Variants in DAB1 observed in about 807,000 individuals in gnomAD.
DAB1 encodes disabled homolog 1.
Under a neutral mutation model 64.6 loss-of-function variants are expected in DAB1, and 15 were observed. That is an observed-to-expected ratio of 0.23 (90% CI 0.16 to 0.36). The LOEUF (loss-of-function observed/expected upper bound fraction) is 0.36, where lower values mean the gene tolerates loss of function less well. Among genes scored for constraint, DAB1 ranks in the 10% least tolerant of loss-of-function variants. DAB1 has a pLI of 1.00. For missense variants in DAB1, 596 were observed against 706.7 expected, an observed-to-expected ratio of 0.84 and a Z score of 1.78; for synonymous variants, 235 against 251.9, an observed-to-expected ratio of 0.93 and a Z score of 0.64.
At chr1:58,208,273 T>C (rs1173675746) in intron 4 of DAB1, among the ~76,000 whole-genome samples, 2 of 152,180 alleles carry the variant, frequency 1.3e-5, no homozygotes, top group African/African-American at 4.8e-5. Context: ...AGTTAAAACT[T>C]CTTTTCTTTT....
chr1:58,341,676 A>G (rs528880242), intron 4 of DAB1, among the ~76,000 whole-genome samples: 5 of 152,266 alleles, frequency 3.3e-5, no homozygotes, highest in Middle Eastern at 3.4e-3. Flanking sequence ...CCACTCCTCA[A>G]CTATGATTTT....
At chr1:57,098,480 T>A (rs1228360141) in intron 4 of DAB1, among the ~76,000 whole-genome samples, 22 of 152,186 alleles carry the variant, frequency 1.4e-4, no homozygotes, top group Admixed American at 1.4e-3. Context: ...GAGTCTTGTG[T>A]GTCTGGAGGG....
rs1028028906 is a variant in DAB1 at position 57,208,109 on chromosome 1, G to A, written c.68-62680C>T. ...GAGTGAGGAAACGATATAAGAAAGA[G>A]AAAGTAGACCATAAAAGGTGCATCA... On this transcript the variant is annotated intron_variant, in intron 2 of 14. Coordinates refer to ENST00000371236, the MANE Select transcript of DAB1 (RefSeq NM_001365792.1). 2.0e-5 allele frequency among the ~76,000 whole-genome samples: 3 copies of A among 152,298 alleles called. No homozygotes were observed. In the East Asian group the frequency reaches 5.8e-4, roughly 29 times the overall value.
intron 4 of DAB1, among the ~76,000 whole-genome samples, chr1:58,323,482 A>G (rs2100487556): frequency 6.6e-6 from 1 of 152,214 alleles, no homozygotes; most frequent in African/African-American, 2.4e-5. Context: ...AAATTAACTT[A>G]GACATCCACG....
chr1:58,481,175 C>A, intron 3 of DAB1: 2 of 810,512 alleles, frequency 2.5e-6, no homozygotes, highest in Non-Finnish European at 4.2e-6. Context: ...TTTTGAGAGC[C>A]TATAAAGAAA....
At chr1:58,426,495 G>C (rs1315905488) in intron 3 of DAB1, among the ~76,000 whole-genome samples, 3 of 152,206 alleles carry the variant, frequency 2.0e-5, no homozygotes, top group Non-Finnish European at 4.4e-5. Context: ...ACAAATTCCA[G>C]GATCTGCAGT....
intron 4 of DAB1, among the ~76,000 whole-genome samples, chr1:58,278,180 G>T (rs1661497420): frequency 6.6e-6 from 1 of 152,186 alleles, no homozygotes; most frequent in Non-Finnish European, 1.5e-5. Flanking sequence ...TTTCCCCCAT[G>T]CTGTTCTCAT....
At chr1:57,376,741 GAGAC>G (rs1314496311) in intron 1 of DAB1, among the ~76,000 whole-genome samples, 6 of 152,198 alleles carry the variant, frequency 3.9e-5, no homozygotes, top group Non-Finnish European at 8.8e-5. Flanking sequence ...GATGGATAAA[GAGAC>G]AGAAAACTGT....
At chr1:58,147,693 T>C (rs541789810) in intron 5 of DAB1, among the ~76,000 whole-genome samples, 1 of 152,088 alleles carries the variant, frequency 6.6e-6, no homozygotes, top group East Asian at 1.9e-4. Flanking sequence ...ACCATATGGC[T>C]CAGCAGTCCC....
rs545748952 is a variant in DAB1, at chr1:57,935,750, A to C, written n.388-51588T>G. ...CAAACAACAACAACAACAACAACAAAAAACGAGTGCATAAAAAGCTGCCCT... is the reference window on the plus strand; with the variant it reads ...CAAACAACAACAACAACAACAACAACAAACGAGTGCATAAAAAGCTGCCCT... On this transcript the variant is annotated intron_variant and non_coding_transcript_variant, in intron 5 of 20. Coordinates refer to the DAB1 transcript ENST00000485760. Among the ~76,000 whole-genome samples the C allele has an allele frequency of 1.4e-3, 213 of 150,688 alleles. 8 individuals carry two copies. The South Asian group carries it at 0.042, about 30-fold the overall frequency.
At chr1:58,393,607 T>G (rs540753186) in intron 3 of DAB1, among the ~76,000 whole-genome samples, 3 of 152,274 alleles carry the variant, frequency 2.0e-5, no homozygotes, top group East Asian at 3.9e-4. Context: ...ATATTCATCA[T>G]GAAGAACTTA....
Position 57,025,602 on chromosome 1 carries a change from A to G in DAB1, c.786+379T>C, listed in dbSNP as rs551212500. ...CAGGTGCTGACAAATGCCTCATCAT[A>G]TGTGCTATCCCGAGTTTCCTGCCTA... is the stretch of plus-strand genomic sequence containing the variant. On this transcript the variant is annotated intron_variant, in intron 10 of 14. Coordinates refer to ENST00000371236, the MANE Select transcript of DAB1 (RefSeq NM_001365792.1). Among the ~76,000 whole-genome samples, 14 of 152,204 alleles carry G rather than the reference A, an allele frequency of 9.2e-5. No individual in the cohort carries two copies. The South Asian group carries it at 2.9e-3, about 32-fold the overall frequency.
At chr1:57,121,493 A>C (rs1414649375) in intron 4 of DAB1, among the ~76,000 whole-genome samples, 2 of 152,098 alleles carry the variant, frequency 1.3e-5, no homozygotes, top group African/African-American at 4.8e-5. Flanking sequence ...AATTGTCCCA[A>C]CTGGAAATGC....
rs369998030 is a variant in DAB1, at chr1:57,921,113, TG to T, written n.388-36952del. Among the ~76,000 whole-genome samples, 587 of 152,342 alleles carry T rather than the reference TG, an allele frequency of 3.9e-3. 4 individuals carry two copies. Among genetic ancestry groups the T allele is most frequent in the African/African-American group, 0.013 (546 of 41,578 alleles). Reference sequence around the variant, plus strand: ...GATAAAATGGAATATATTGTTACATTGTTAGGAAAATGAAGTATTTCTATAT... The same window carrying T: ...GATAAAATGGAATATATTGTTACATTTTAGGAAAATGAAGTATTTCTATAT... On this transcript the variant is annotated intron_variant and non_coding_transcript_variant, in intron 5 of 20. Coordinates refer to the DAB1 transcript ENST00000485760.
chr1:58,167,588 T>TTCCA (rs1472578735), intron 4 of DAB1, among the ~76,000 whole-genome samples: 8 of 152,216 alleles, frequency 5.3e-5, no homozygotes, highest in Non-Finnish European at 1.0e-4. Flanking sequence ...TTGGGTCCCC[T>TTCCA]TCCACGCTAT....
intron 7 of DAB1, among the ~76,000 whole-genome samples, chr1:57,446,259 T>A (rs1020466079): frequency 6.6e-6 from 1 of 152,198 alleles, no homozygotes; most frequent in Non-Finnish European, 1.5e-5. Flanking sequence ...ATAAACTGTA[T>A]GATGATTGCT....
chr1:57,526,849 G>A (rs1318033838), intron 7 of DAB1, among the ~76,000 whole-genome samples: 6 of 152,080 alleles, frequency 3.9e-5, no homozygotes, highest in Admixed American at 3.9e-4. Flanking sequence ...AATTTTACAA[G>A]TGCGAATTAT....
chr1:57,513,854 C>G (rs1644433181), intron 7 of DAB1, among the ~76,000 whole-genome samples: 1 of 152,136 alleles, frequency 6.6e-6, no homozygotes, highest in Admixed American at 6.5e-5. Flanking sequence ...TCTTCCCAGC[C>G]CCTGTCCTGC....
intron 7 of DAB1, among the ~76,000 whole-genome samples, chr1:57,648,635 C>T (rs564517548): frequency 1.3e-5 from 2 of 152,176 alleles, no homozygotes; most frequent in Non-Finnish European, 2.9e-5. Context: ...TGTTGTTCCC[C>T]AAGGTCCCAT....
Sources: allele counts gnomAD v4.1 joint callset (sites outside exome capture counted in the v4.1 genomes callset), GRCh38; gene constraint gnomAD v4.1.1; transcripts MANE v1.5; gene names NCBI Gene and HGNC (gene_info 2026-07-23, HGNC 2026-07-21).